Variants in NRG3 observed in about 807,000 individuals in gnomAD.
NRG3 encodes the protein pro-neuregulin-3, membrane-bound isoform.
Under a neutral mutation model 66.9 loss-of-function variants are expected in NRG3, and 31 were observed. The observed-to-expected ratio is 0.46, with a 90% CI of 0.35 to 0.63. The LOEUF (loss-of-function observed/expected upper bound fraction) is 0.63. Among genes scored for constraint, NRG3 ranks in the 20% least tolerant of loss-of-function variants. The pLI is 0.00. For missense variants in NRG3, 910 were observed against 878.9 expected, an observed-to-expected ratio of 1.04 and a Z score of -0.45; for synonymous variants, 393 against 359.4, an observed-to-expected ratio of 1.09 and a Z score of -1.06.
At chr10:82,026,002 C>G (rs2062285079) in intron 1 of NRG3, among the ~76,000 whole-genome samples, 1 of 152,052 alleles carries the variant, frequency 6.6e-6, no homozygotes, top group Admixed American at 6.6e-5. Context: ...GGGGAAATCA[C>G]TGTAGTCCTC....
chr10:82,234,890 C>T (rs1189564370), intron 1 of NRG3, among the ~76,000 whole-genome samples: 1 of 152,230 alleles, frequency 6.6e-6, no homozygotes, highest in Admixed American at 6.5e-5. Flanking sequence ...AACTTTCTTC[C>T]TTCAGCCGTG....
chr10:82,342,049 A>G (rs531451143), intron 1 of NRG3, among the ~76,000 whole-genome samples: 1 of 151,740 alleles, frequency 6.6e-6, no homozygotes, highest in South Asian at 2.1e-4. Flanking sequence ...TATGGTATTT[A>G]TGGTATATGG....
rs529548196 is a variant in NRG3 at position 82,399,111 on chromosome 10, A to C, written c.953+40243A>C. Among the ~76,000 whole-genome samples the C allele has an allele frequency of 5.3e-5, 8 of 152,334 alleles. No individual in the cohort carries two copies. The South Asian group carries it at 1.4e-3, about 28-fold the overall frequency. The stretch of plus-strand genomic sequence containing the variant: ...TTATTCATTGTACTATCTGGAATAC[A>C]TGCCTCCTTTTTAGTTAAATTAGAA... On this transcript the variant is annotated intron_variant, in intron 2 of 8. Transcript: ENST00000372141.
At chr10:82,976,913 A>C (rs1489841454) in intron 7 of NRG3, among the ~76,000 whole-genome samples, 2 of 152,172 alleles carry the variant, frequency 1.3e-5, no homozygotes, top group Non-Finnish European at 2.9e-5. Flanking sequence ...CAGAGGGATA[A>C]TAACAGCTTC....
intron 2 of NRG3, among the ~76,000 whole-genome samples, chr10:82,390,887 G>A (rs142750619): frequency 2.8e-3 from 431 of 152,318 alleles, no homozygotes; most frequent in African/African-American, 9.6e-3. Flanking sequence ...TATGGGGACA[G>A]CTCTGATGTG....
chr10:82,031,530 G>A (rs1401920124), intron 1 of NRG3, among the ~76,000 whole-genome samples: 15 of 152,120 alleles, frequency 9.9e-5, no homozygotes, highest in South Asian at 2.1e-4. Flanking sequence ...TTATAAGTAA[G>A]CAATGCTAAC....
chr10:82,825,012 A>G (rs2062134312), intron 3 of NRG3, among the ~76,000 whole-genome samples: 1 of 152,236 alleles, frequency 6.6e-6, no homozygotes, highest in Non-Finnish European at 1.5e-5. Context: ...ACACCCAGTC[A>G]GTTGGTCATT....
At chr10:82,935,509 AC>A (rs1208327073) in intron 4 of NRG3, among the ~76,000 whole-genome samples, 1 of 152,236 alleles carries the variant, frequency 6.6e-6, no homozygotes, top group African/African-American at 2.4e-5. Flanking sequence ...GATGAGATAG[AC>A]CTATGAGCAC....
At chr10:82,378,056 G>T (rs549189502) in intron 2 of NRG3, among the ~76,000 whole-genome samples, 1 of 152,204 alleles carries the variant, frequency 6.6e-6, no homozygotes, top group Non-Finnish European at 1.5e-5. Flanking sequence ...CTAAGGATAG[G>T]TGGAGGTTTT....
chr10:82,933,142 T>C (rs1337117831), intron 4 of NRG3, among the ~76,000 whole-genome samples: 1 of 152,172 alleles, frequency 6.6e-6, no homozygotes, highest in Non-Finnish European at 1.5e-5. Context: ...TTCACAACCC[T>C]GTAGTCCAGG....
chr10:81,885,013 C>T lies in NRG3; in HGVS notation c.823+8850C>T, dbSNP rs190270424. ...GTTAACTAAGTACTATGTTGTACAA[C>T]GGATCTCTAGAACTTATTCCTCTTG... is the stretch of plus-strand genomic sequence containing the variant. On this transcript the variant is annotated intron_variant, in intron 1 of 8. Coordinates refer to ENST00000372141, the MANE Select transcript of NRG3 (RefSeq NM_001010848.4). Among the ~76,000 whole-genome samples the T allele has an allele frequency of 6.0e-4, 92 of 152,202 alleles. 1 individual carries two copies. Among genetic ancestry groups the T allele is most frequent in the East Asian group, 3.9e-3 (20 of 5,174 alleles).
chr10:82,519,021 T>C (rs1056769031), intron 2 of NRG3, among the ~76,000 whole-genome samples: 29 of 152,328 alleles, frequency 1.9e-4, no homozygotes, highest in African/African-American at 6.7e-4. Flanking sequence ...ACCCCTGGCC[T>C]GTGCAGCTAC....
chr10:81,908,450 G>A (rs1227582188), intron 1 of NRG3, among the ~76,000 whole-genome samples: 10 of 152,102 alleles, frequency 6.6e-5, no homozygotes, highest in Admixed American at 2.0e-4. Context: ...GAAACATGCC[G>A]TACCCACTTC....
chr10:82,672,645 A>C (rs2053372181), intron 2 of NRG3, among the ~76,000 whole-genome samples: 1 of 152,056 alleles, frequency 6.6e-6, no homozygotes, highest in African/African-American at 2.4e-5. Flanking sequence ...GGGAAAAACA[A>C]AACAAATCAA....
chr10:82,745,540 TA>T (rs1426445832), intron 3 of NRG3, among the ~76,000 whole-genome samples: 1 of 152,154 alleles, frequency 6.6e-6, no homozygotes, highest in Non-Finnish European at 1.5e-5. Context: ...CTGTCACTCT[TA>T]TTACCGTTTT....
chr10:82,446,284 A>T (rs1476523451), intron 2 of NRG3, among the ~76,000 whole-genome samples: 1 of 152,206 alleles, frequency 6.6e-6, no homozygotes, highest in Non-Finnish European at 1.5e-5. Context: ...GTAGGTGTTT[A>T]ATAATTATGT....
At chr10:82,554,406 G>T (rs894642544) in intron 2 of NRG3, among the ~76,000 whole-genome samples, 33 of 152,062 alleles carry the variant, frequency 2.2e-4, no homozygotes, top group African/African-American at 5.6e-4. Flanking sequence ...TACATCCAAC[G>T]ATTATGTGTC....
At chr10:82,933,045 G>A (rs867378298) in intron 4 of NRG3, among the ~76,000 whole-genome samples, 33 of 152,012 alleles carry the variant, frequency 2.2e-4, no homozygotes, top group Middle Eastern at 3.4e-3. Context: ...TGATTCAAGT[G>A]AAAAAAGATT....
chr10:82,832,455 T>G (rs1223419894), intron 3 of NRG3, among the ~76,000 whole-genome samples: 1 of 152,180 alleles, frequency 6.6e-6, no homozygotes, highest in Non-Finnish European at 1.5e-5. Flanking sequence ...GGAGTACAGA[T>G]TGGCATAACC....
Sources: gnomAD v4.1 joint callset for allele counts (sites outside exome capture counted in the v4.1 genomes callset) on GRCh38, gnomAD v4.1.1 for gene constraint, MANE v1.5 for transcripts, NCBI Gene and HGNC (gene_info 2026-07-23, HGNC 2026-07-21) for gene names.